STAU2: variants seen among roughly 807,000 people sequenced by gnomAD.
STAU2 encodes the protein double-stranded RNA-binding protein Staufen homolog 2.
A neutral mutation model predicts 65.9 loss-of-function variants in STAU2; 20 were observed. The observed-to-expected ratio is 0.30, with a 90% CI of 0.21 to 0.44. The LOEUF is 0.44. Ranked by LOEUF, STAU2 falls within the 20% of genes least tolerant of loss-of-function variation. The probability of loss-of-function intolerance (pLI) is 1.00; values close to 1 mark genes in which losing one functional copy is unlikely to be tolerated. For missense variants in STAU2, 558 were observed against 683.9 expected, an observed-to-expected ratio of 0.82 and a Z score of 2.05; for synonymous variants, 232 against 233.9, an observed-to-expected ratio of 0.99 and a Z score of 0.07.
chr8:73,706,547 C>T lies in STAU2; in HGVS notation c.114+2485G>A, dbSNP rs186396464. 3.9e-5 allele frequency among the ~76,000 whole-genome samples: 6 copies of T among 152,248 alleles called. No individual in the cohort carries two copies. The East Asian group carries it at 7.7e-4, about 20-fold the overall frequency. On this transcript the variant is annotated intron_variant, in intron 4 of 14. Transcript: ENST00000524300. ...ACATACATGAATGAAAATGATTTTGCTTTTCACAAAAAGGATCCAGACTTA... is the reference window on the plus strand; with the variant it reads ...ACATACATGAATGAAAATGATTTTGTTTTTCACAAAAAGGATCCAGACTTA...
intron 13 of STAU2, among the ~76,000 whole-genome samples, chr8:73,547,937 T>C (rs978126461): frequency 3.9e-5 from 6 of 152,124 alleles, no homozygotes; most frequent in African/African-American, 1.4e-4. Flanking sequence ...AGCAATATGG[T>C]ATAACCATTA....
At chr8:73,696,828 G>A (rs1422320955) in intron 4 of STAU2, among the ~76,000 whole-genome samples, 1 of 152,102 alleles carries the variant, frequency 6.6e-6, no homozygotes, top group African/African-American at 2.4e-5. Flanking sequence ...TATTCAAAGG[G>A]ATAATAACAG....
chr8:73,575,983 T>C (rs544309649), intron 12 of STAU2, among the ~76,000 whole-genome samples: 2 of 152,208 alleles, frequency 1.3e-5, no homozygotes, highest in Admixed American at 1.3e-4. Context: ...GAATTTGAAC[T>C]AAACTTCAAC....
At chr8:73,711,241 T>C (rs1005900734) in intron 3 of STAU2, among the ~76,000 whole-genome samples, 2 of 151,602 alleles carry the variant, frequency 1.3e-5, no homozygotes, top group Admixed American at 6.6e-5. Context: ...ACCTATTCCA[T>C]TGCATGTCAC....
chr8:73,709,491 G>A (rs983520821), intron 3 of STAU2, among the ~76,000 whole-genome samples: 14 of 151,640 alleles, frequency 9.2e-5, no homozygotes, highest in Admixed American at 2.0e-4. Context: ...AAACACATAC[G>A]TTTCCTGGTT....
intron 14 of STAU2, among the ~76,000 whole-genome samples, chr8:73,421,907 A>T (rs1816405246): frequency 6.6e-6 from 1 of 151,046 alleles, no homozygotes; most frequent in South Asian, 2.1e-4. Context: ...TGCTATTATT[A>T]CTGCTTGGAA....
chr8:73,546,166 C>A (rs1806922195), intron 13 of STAU2, among the ~76,000 whole-genome samples: 1 of 131,580 alleles, frequency 7.6e-6, no homozygotes, highest in Non-Finnish European at 1.6e-5. Flanking sequence ...AGAGTTTCAC[C>A]ATGTTGGCCA....
At chr8:73,598,719 A>G (rs918434457) in intron 10 of STAU2, among the ~76,000 whole-genome samples, 26 of 152,158 alleles carry the variant, frequency 1.7e-4, no homozygotes, top group African/African-American at 6.3e-4. Flanking sequence ...AAAAAGAAGC[A>G]GAAGGGAAAA....
chr8:73,696,056 C>A (rs1037505884), intron 4 of STAU2, among the ~76,000 whole-genome samples: 5 of 152,150 alleles, frequency 3.3e-5, no homozygotes, highest in African/African-American at 1.2e-4. Flanking sequence ...CATCACCACA[C>A]CCCCAATTCC....
In STAU2 at chr8:73,680,257, C is replaced by T. The variant is rs940309824; in HGVS notation, c.275-7015G>A. On this transcript the variant is annotated intron_variant, in intron 5 of 14. Transcript: ENST00000524300. ...GGGCAAGGCCTGAAAGCCCTGCTTG[C>T]TTTCTTAGCAGGAAGACTTCTAGCC... is the stretch of plus-strand genomic sequence containing the variant. Among the ~76,000 whole-genome samples, 5 of 152,002 alleles carry T rather than the reference C, an allele frequency of 3.3e-5. 1 individual carries two copies. Among genetic ancestry groups the T allele is most frequent in the African/African-American group, 9.7e-5 (4 of 41,376 alleles).
intron 6 of STAU2, among the ~76,000 whole-genome samples, chr8:73,634,269 A>T (rs60380511): frequency 0.19 from 29,219 of 151,746 alleles, 3,052 homozygotes; most frequent in East Asian, 0.37. Flanking sequence ...TTATTTATTT[A>T]TTTTTTGCTC....
At chr8:73,622,274 C>A in intron 6 of STAU2, among the ~76,000 whole-genome samples, 1 of 122,084 alleles carries the variant, frequency 8.2e-6, no homozygotes. Flanking sequence ...CTACAGGCGC[C>A]CGCCACCTCG....
chr8:73,425,710 ACAAG>A (rs1458712468), intron 13 of STAU2, among the ~76,000 whole-genome samples: 2 of 152,186 alleles, frequency 1.3e-5, no homozygotes, highest in Non-Finnish European at 2.9e-5. Flanking sequence ...GAATATATAG[ACAAG>A]CAAAAAGAAT....
chr8:73,528,791 T>C (rs1198643123), intron 13 of STAU2, among the ~76,000 whole-genome samples: 1 of 152,168 alleles, frequency 6.6e-6, no homozygotes, highest in Non-Finnish European at 1.5e-5. Flanking sequence ...TGGTTTTTAT[T>C]GTATACCTGA....
chr8:73,559,531 A>G (rs1165471274), intron 12 of STAU2, among the ~76,000 whole-genome samples: 2 of 152,220 alleles, frequency 1.3e-5, no homozygotes, highest in Non-Finnish European at 2.9e-5. Context: ...TCCTGATGAC[A>G]GTGTGGGCCT....
At chr8:73,614,584 T>C (rs1294017698) in intron 8 of STAU2, among the ~76,000 whole-genome samples, 3 of 152,230 alleles carry the variant, frequency 2.0e-5, no homozygotes, top group African/African-American at 7.2e-5. Flanking sequence ...CAACTATGAA[T>C]GTAATGTTCC....
At chr8:73,498,750 A>G (rs1262243509) in intron 13 of STAU2, among the ~76,000 whole-genome samples, 3 of 151,870 alleles carry the variant, frequency 2.0e-5, no homozygotes. Flanking sequence ...AAGTGAGTAT[A>G]TGAACCAAGT....
chr8:73,689,143 A>T (rs1394367695), intron 4 of STAU2, among the ~76,000 whole-genome samples: 1 of 152,258 alleles, frequency 6.6e-6, no homozygotes, highest in East Asian at 1.9e-4. Context: ...AGTAGAAATA[A>T]TAAGAGAAAC....
intron 12 of STAU2, among the ~76,000 whole-genome samples, chr8:73,579,630 C>T (rs2128961157): frequency 6.6e-6 from 1 of 152,046 alleles, no homozygotes; most frequent in Middle Eastern, 3.4e-3. Context: ...ATGTGTACAC[C>T]AAGCATAAAA....
Sources: gnomAD v4.1 joint callset for allele counts (sites outside exome capture counted in the v4.1 genomes callset) on GRCh38, gnomAD v4.1.1 for gene constraint, MANE v1.5 for transcripts, NCBI Gene and HGNC (gene_info 2026-07-23, HGNC 2026-07-21) for gene names.